ASCC3: variants seen among roughly 807,000 people sequenced by gnomAD.
ASCC3 encodes ASC-1 complex subunit P200.
Under a neutral mutation model 256.3 loss-of-function variants are expected in ASCC3, and 158 were observed. The observed-to-expected ratio is 0.62, with a 90% CI of 0.54 to 0.70. The LOEUF (loss-of-function observed/expected upper bound fraction) is 0.70. Ranked by LOEUF, ASCC3 falls within the 30% of genes least tolerant of loss-of-function variation. ASCC3 has a pLI of 0.00. For synonymous variants in ASCC3, 948 were observed against 883.4 expected (o/e 1.07, Z -1.30); for missense variants, 2,259 against 2,626.0 (o/e 0.86, Z 3.05).
chr6:100,648,604 A>G (rs1775504057), intron 20 of ASCC3, among the ~76,000 whole-genome samples: 2 of 151,996 alleles, frequency 1.3e-5, no homozygotes, highest in South Asian at 4.1e-4. Flanking sequence ...GTATGAGGAC[A>G]GTTCTGATAT....
chr6:100,582,508 G>C (rs1250272319), intron 36 of ASCC3, among the ~76,000 whole-genome samples: 16 of 151,762 alleles, frequency 1.1e-4, no homozygotes, highest in Admixed American at 1.1e-3. Flanking sequence ...GGGTTTTCTA[G>C]ATATACAATC....
At chr6:100,533,811 T>C (rs1250386335) in intron 37 of ASCC3, among the ~76,000 whole-genome samples, 1 of 152,228 alleles carries the variant, frequency 6.6e-6, no homozygotes, top group East Asian at 1.9e-4. Flanking sequence ...TTCACTTAAA[T>C]GAAGATTATT....
intron 33 of ASCC3, among the ~76,000 whole-genome samples, chr6:100,604,575 C>T (rs1019236510): frequency 1.3e-5 from 2 of 151,752 alleles, no homozygotes; most frequent in African/African-American, 4.8e-5. Flanking sequence ...TGCCTCAGGA[C>T]CACATGCATG....
intron 32 of ASCC3, 142 bp from the exon 33 acceptor site, chr6:100,605,842 T>G: frequency 1.1e-6 from 1 of 914,192 alleles, no homozygotes; most frequent in Non-Finnish European, 1.7e-6. Flanking sequence ...TGTTGATGGC[T>G]ACTACTACGT....
intron 4 of ASCC3, among the ~76,000 whole-genome samples, chr6:100,842,284 T>A (rs1440340455): frequency 6.6e-6 from 1 of 152,200 alleles, no homozygotes. Context: ...TACTACAACC[T>A]CTTTATCAAA....
intron 36 of ASCC3, among the ~76,000 whole-genome samples, chr6:100,580,275 A>T (rs1417550763): frequency 6.6e-6 from 1 of 152,044 alleles, no homozygotes; most frequent in East Asian, 1.9e-4. Context: ...TTTTTTAAAG[A>T]GAGAAAAATA....
At chr6:100,800,931 T>C (rs1367930376) in intron 5 of ASCC3, among the ~76,000 whole-genome samples, 3 of 151,966 alleles carry the variant, frequency 2.0e-5, no homozygotes, top group African/African-American at 7.2e-5. Flanking sequence ...TACTATGTAA[T>C]AGACCTTATG....
At position 100,745,929 on chromosome 6, in the gene ASCC3, T is replaced by C. The variant is rs574868551; in HGVS notation, c.1738-20226A>G. Among the ~76,000 whole-genome samples the C allele has an allele frequency of 4.7e-4, 71 of 152,140 alleles. 1 individual carries two copies. The South Asian group carries it at 0.012, about 25-fold the overall frequency. ...AACCCACTTTGTCAATGTCATTAAA[T>C]TTCTTTTAGATATATATCTATCGAC... is the stretch of plus-strand genomic sequence containing the variant. On this transcript the variant is annotated intron_variant, in intron 10 of 41. Coordinates refer to ENST00000369162, the MANE Select transcript of ASCC3 (RefSeq NM_006828.4).
At chr6:100,689,093 G>C (rs1260580293) in intron 13 of ASCC3, among the ~76,000 whole-genome samples, 1 of 152,072 alleles carries the variant, frequency 6.6e-6, no homozygotes, top group Non-Finnish European at 1.5e-5. Flanking sequence ...GACTGCATCT[G>C]TGTAAATTCT....
At chr6:100,833,942 G>C (rs1305233782) in intron 4 of ASCC3, among the ~76,000 whole-genome samples, 5 of 152,120 alleles carry the variant, frequency 3.3e-5, no homozygotes, top group Non-Finnish European at 7.4e-5. Context: ...GCCAGGCGTG[G>C]TGGTGCGTGC....
intron 36 of ASCC3, among the ~76,000 whole-genome samples, chr6:100,559,376 A>G (rs887144184): frequency 6.6e-6 from 1 of 152,234 alleles, no homozygotes; most frequent in Non-Finnish European, 1.5e-5. Flanking sequence ...GAACAAAACA[A>G]AACAAAAAAC....
chr6:100,589,734 C>G lies in ASCC3; in HGVS notation c.5450G>C (p.Arg1817Pro). The G allele has an allele frequency of 6.2e-7, 1 of 1,613,590 alleles. No individual in the cohort carries two copies. Among genetic ancestry groups the G allele is most frequent in the South Asian group, 1.1e-5 (1 of 91,054 alleles). ...CTTCAAATAGTAATAGGAGGCAATTCGGCCATAAGTTAGAGGTTCAATGCT... is the reference window on the plus strand; with the variant it reads ...CTTCAAATAGTAATAGGAGGCAATTGGGCCATAAGTTAGAGGTTCAATGCT... ...NRSIEPLTYGRIASYYYLKHQ... is the reference protein window; with the variant it reads ...NRSIEPLTYGPIASYYYLKHQ... Residue 1817 changes from arginine (R) to proline (P), a missense_variant, in exon 36 of 42, where the codon CGA becomes CCA. Arg to Pro is a moderately radical substitution (Grantham distance 103). This residue lies in a region of ASCC3 where 1,839 missense variants were observed against 2,206.7 expected (regional missense o/e 0.83). Coordinates refer to ENST00000369162, the MANE Select transcript of ASCC3 (RefSeq NM_006828.4).
intron 8 of ASCC3, among the ~76,000 whole-genome samples, chr6:100,774,277 C>G (rs906448864): frequency 1.3e-5 from 2 of 152,144 alleles, no homozygotes; most frequent in African/African-American, 4.8e-5. Context: ...CCTGCCTCAA[C>G]CTTCTGAGTA....
Position 100,850,098 on chromosome 6 carries a change from C to CAAAAAAAA in ASCC3, c.242-1399_242-1392dup, listed in dbSNP as rs61582863. 9.5e-3 allele frequency among the ~76,000 whole-genome samples: 747 copies of CAAAAAAAA among 78,994 alleles called. 1 individual carries two copies. Among genetic ancestry groups the CAAAAAAAA allele is most frequent in the Non-Finnish European group, 0.013 (546 of 41,222 alleles). The allele number at this position is 78,994 out of a possible 152,430, so 51.8% of individuals were successfully genotyped here. ...CTGGGTGACAGAATTGAGACTCTAT[C>CAAAAAAAA]AAAAAAAAAAAAAAAAAAAAAAGAA... is the stretch of plus-strand genomic sequence containing the variant. On this transcript the variant is annotated intron_variant, in intron 3 of 41. Transcript: ENST00000369162.
At chr6:100,803,967 T>TAA (rs202232375) in intron 5 of ASCC3, among the ~76,000 whole-genome samples, 2 of 151,506 alleles carry the variant, frequency 1.3e-5, no homozygotes, top group Non-Finnish European at 2.9e-5. Context: ...GTGGTAAAGG[T>TAA]AAAAAAAAAT....
Position 100,652,852 on chromosome 6 carries a change from AC to A in ASCC3, c.2860del (p.Val954SerfsTer8). ...GTCTAGTTTTCGTCCAACTTCAATG[AC>A]CAACTGTTCTCGATGCTTTCTTAAT... ...PTLRKHREQL[V>X]IEVGRKLDKA... On this transcript the variant is annotated frameshift_variant, in exon 18 of 42. Transcript: ENST00000369162. LOFTEE classifies it high-confidence loss of function. 6.2e-7 allele frequency: 1 copy of A among 1,613,950 alleles called. No individual in the cohort carries two copies. The highest frequency in any genetic ancestry group is 8.5e-7 in the Non-Finnish European group (1 of 1,179,914).
At chr6:100,736,541 A>G (rs952788032) in intron 10 of ASCC3, among the ~76,000 whole-genome samples, 1 of 152,084 alleles carries the variant, frequency 6.6e-6, no homozygotes, top group African/African-American at 2.4e-5. Flanking sequence ...GTCACATAAT[A>G]GGATTTGTGA....
At chr6:100,610,012 C>A (rs1220371637) in intron 30 of ASCC3, among the ~76,000 whole-genome samples, 2 of 152,104 alleles carry the variant, frequency 1.3e-5, no homozygotes, top group South Asian at 4.1e-4. Flanking sequence ...GAAGTTCTTT[C>A]CGGGAAACTC....
At chr6:100,775,040 T>C (rs1240800290) in intron 8 of ASCC3, among the ~76,000 whole-genome samples, 1 of 152,066 alleles carries the variant, frequency 6.6e-6, no homozygotes, top group Non-Finnish European at 1.5e-5. Flanking sequence ...AAATCACATA[T>C]GCTACACTGA....
Sources: gnomAD v4.1 joint callset for allele counts (sites outside exome capture counted in the v4.1 genomes callset) on GRCh38, gnomAD v4.1.1 for gene constraint, gnomAD v4.1.1 regional missense constraint, MANE v1.5 for transcripts, NCBI Gene and HGNC (gene_info 2026-07-23, HGNC 2026-07-21) for gene names.